The following NSMCE2 variants were observed in gnomAD, a reference collection of about 807,000 sequenced individuals.
The protein encoded by NSMCE2 is NSE2 SUMO ligase component of SMC5/6 complex.
Under a neutral mutation model 23.8 loss-of-function variants are expected in NSMCE2, and 24 were observed. That is an observed-to-expected ratio of 1.01 (90% CI 0.73 to 1.42). The LOEUF (loss-of-function observed/expected upper bound fraction) is 1.42, where lower values mean the gene tolerates loss of function less well. Among genes scored for constraint, NSMCE2 ranks in the 40% most tolerant of loss-of-function variants. The pLI, the probability that NSMCE2 is intolerant of heterozygous loss-of-function variation, is 0.00. For missense variants in NSMCE2, 284 were observed against 296.5 expected, an observed-to-expected ratio of 0.96 and a Z score of 0.31; for synonymous variants, 92 against 94.1, an observed-to-expected ratio of 0.98 and a Z score of 0.13.
At chr8:125,148,491 A>G (rs1389556797) in intron 3 of NSMCE2, among the ~76,000 whole-genome samples, 4 of 152,168 alleles carry the variant, frequency 2.6e-5, no homozygotes, top group African/African-American at 9.7e-5. Context: ...CATTATATCT[A>G]TTTCCACTGA....
At chr8:125,204,867 A>G (rs916078364) in intron 5 of NSMCE2, among the ~76,000 whole-genome samples, 10 of 152,206 alleles carry the variant, frequency 6.6e-5, no homozygotes, top group African/African-American at 1.9e-4. Flanking sequence ...CCCAGCTCTA[A>G]CTAGATCCGG....
At chr8:125,177,542 C>T (rs1205874504) in intron 4 of NSMCE2, among the ~76,000 whole-genome samples, 4 of 152,198 alleles carry the variant, frequency 2.6e-5, no homozygotes, top group Non-Finnish European at 5.9e-5. Context: ...TACTCGTTCA[C>T]CCACATCATC....
intron 3 of NSMCE2, among the ~76,000 whole-genome samples, chr8:125,108,334 A>T (rs1164295090): frequency 6.6e-6 from 1 of 152,208 alleles, no homozygotes; most frequent in Non-Finnish European, 1.5e-5. Context: ...GGACCCAGAG[A>T]GTAGGAAAAC....
intron 5 of NSMCE2, among the ~76,000 whole-genome samples, chr8:125,213,707 C>CCCTTCCTT (rs376943652): frequency 8.1e-6 from 1 of 123,330 alleles, no homozygotes; most frequent in Non-Finnish European, 1.6e-5. Flanking sequence ...TTCCCTCCCT[C>CCCTTCCTT]CCTTCCTTCC....
intron 4 of NSMCE2, among the ~76,000 whole-genome samples, chr8:125,173,222 C>T (rs1178556385): frequency 6.6e-6 from 1 of 152,120 alleles, no homozygotes; most frequent in Non-Finnish European, 1.5e-5. Flanking sequence ...ATTGTTGAGT[C>T]CCTTGGTGAA....
rs139154024 is a variant in NSMCE2, at chr8:125,199,056, G to A, written c.418+16800G>A. Among the ~76,000 whole-genome samples the A allele has an allele frequency of 3.1e-3, 469 of 151,988 alleles. 2 individuals carry two copies. The highest frequency in any genetic ancestry group is 5.4e-3 in the Admixed American group (82 of 15,260). ...ATATCCCCTTTATCATTTTTTTATT[G>A]CGTCTGTATGATTCCTCTCTCTTTT... On this transcript the variant is annotated intron_variant, in intron 5 of 7. Coordinates refer to ENST00000287437, the MANE Select transcript of NSMCE2 (RefSeq NM_173685.4).
chr8:125,182,008 G>T, intron 4 of NSMCE2, 95 bp from the exon 5 acceptor site: 1 of 922,516 alleles, frequency 1.1e-6, no homozygotes, highest in Non-Finnish European at 1.7e-6. Context: ...ACTATCTTTT[G>T]CTTTGAATTA....
intron 4 of NSMCE2, among the ~76,000 whole-genome samples, chr8:125,155,448 G>C (rs1821257755): frequency 6.6e-6 from 1 of 152,132 alleles, no homozygotes; most frequent in South Asian, 2.1e-4. Flanking sequence ...TATATAGAAA[G>C]TTAATGTTTA....
At chr8:125,195,320 G>T (rs146881009) in intron 5 of NSMCE2, among the ~76,000 whole-genome samples, 1 of 152,040 alleles carries the variant, frequency 6.6e-6, no homozygotes, top group African/African-American at 2.4e-5. Context: ...CAATGCTAAT[G>T]TACAATGAGG....
intron 5 of NSMCE2, among the ~76,000 whole-genome samples, chr8:125,352,589 T>C (rs548237980): frequency 2.6e-5 from 4 of 152,280 alleles, no homozygotes; most frequent in African/African-American, 9.6e-5. Flanking sequence ...ATTTATTAAA[T>C]TCCTGCATCA....
chr8:125,174,769 C>T (rs560655485), intron 4 of NSMCE2, among the ~76,000 whole-genome samples: 7 of 152,112 alleles, frequency 4.6e-5, no homozygotes, highest in Middle Eastern at 3.2e-3. Flanking sequence ...CTTGGCAAAC[C>T]GTGAAGTCCA....
At position 125,216,516 on chromosome 8, in the gene NSMCE2, G is replaced by A. The variant is rs1410226990; in HGVS notation, c.418+34260G>A. 4.0e-5 allele frequency among the ~76,000 whole-genome samples: 6 copies of A among 151,760 alleles called. No individual in the cohort carries two copies. The East Asian group carries it at 1.2e-3, about 29-fold the overall frequency. On this transcript the variant is annotated intron_variant, in intron 5 of 7. Transcript: ENST00000287437. ...TAGCTGGGTGTGGTGGCACATGCCT[G>A]TAATCCCAGCTACGTACTGAGGCAG...
chr8:125,224,682 A>G (rs1405405625), intron 5 of NSMCE2, among the ~76,000 whole-genome samples: 1 of 152,182 alleles, frequency 6.6e-6, no homozygotes, highest in Non-Finnish European at 1.5e-5. Context: ...ATTTTAACTA[A>G]TATCGACTGT....
At chr8:125,103,541 GCTA>G (rs1457407736) in intron 3 of NSMCE2, among the ~76,000 whole-genome samples, 3 of 152,168 alleles carry the variant, frequency 2.0e-5, no homozygotes, top group East Asian at 1.9e-4. Flanking sequence ...AAAAATTTCT[GCTA>G]CTATTTCTTC....
chr8:125,251,709 C>G (rs1326445357), intron 5 of NSMCE2, among the ~76,000 whole-genome samples: 1 of 152,214 alleles, frequency 6.6e-6, no homozygotes, highest in African/African-American at 2.4e-5. Context: ...AATTAGCTGA[C>G]TTCATCTTTA....
chr8:125,118,032 G>A (rs1001948455), intron 3 of NSMCE2, among the ~76,000 whole-genome samples: 3 of 152,122 alleles, frequency 2.0e-5, no homozygotes, highest in African/African-American at 7.2e-5. Context: ...TCAAACTTGA[G>A]GGTGCATCAG....
intron 5 of NSMCE2, among the ~76,000 whole-genome samples, chr8:125,233,077 C>G (rs1271135415): frequency 6.6e-6 from 1 of 152,188 alleles, no homozygotes; most frequent in Admixed American, 6.5e-5. Context: ...AGTAAGGAAT[C>G]TGAAGCGTGG....
chr8:125,120,932 A>C (rs1586462066), intron 3 of NSMCE2, among the ~76,000 whole-genome samples: 1 of 152,106 alleles, frequency 6.6e-6, no homozygotes, highest in African/African-American at 2.4e-5. Context: ...TTTTGAATTT[A>C]CCCTTCCCTC....
chr8:125,179,379 G>A (rs1458936556), intron 4 of NSMCE2, among the ~76,000 whole-genome samples: 1 of 151,958 alleles, frequency 6.6e-6, no homozygotes, highest in Non-Finnish European at 1.5e-5. Context: ...AAGAAAAGAG[G>A]GGCATCTTTA....
Sources: allele counts gnomAD v4.1 joint callset (sites outside exome capture counted in the v4.1 genomes callset), GRCh38; gene constraint gnomAD v4.1.1; transcripts MANE v1.5; gene names NCBI Gene and HGNC (gene_info 2026-07-23, HGNC 2026-07-21).